Variants in ELF1 observed in about 807,000 individuals in gnomAD.
The protein encoded by ELF1 is E74 like ETS transcription factor 1.
In ELF1, 24 loss-of-function variants were observed where a neutral mutation model predicts 59.9. The ratio of observed to expected loss-of-function variants is 0.40; its 90% CI spans 0.29 to 0.56. The LOEUF is 0.56. Among genes scored for constraint, ELF1 ranks in the 20% least tolerant of loss-of-function variants. ELF1 has a pLI of 0.44. For synonymous variants in ELF1, 248 were observed against 266.2 expected, an observed-to-expected ratio of 0.93 and a Z score of 0.67; for missense variants, 627 against 742.2, an observed-to-expected ratio of 0.84 and a Z score of 1.80.
At chr13:40,951,738 G>A (rs918671555) in intron 3 of ELF1, 31 of 177,590 alleles carry the variant, frequency 1.7e-4, no homozygotes, top group African/African-American at 7.4e-4. Flanking sequence ...GTGGTGGCAC[G>A]CACCTGTAGT....
chr13:41,044,221 A>G (rs1426530728), intron 1 of ELF1, among the ~76,000 whole-genome samples: 2 of 152,212 alleles, frequency 1.3e-5, no homozygotes, highest in African/African-American at 4.8e-5. Context: ...TTTTCTAGAC[A>G]TACAATCATG....
chr13:40,956,409 C>A (rs1332370547), intron 3 of ELF1, among the ~76,000 whole-genome samples: 2 of 152,040 alleles, frequency 1.3e-5, no homozygotes, highest in African/African-American at 4.8e-5. Flanking sequence ...TCCCTAATCT[C>A]AAGTACCCAG....
Position 41,039,336 on chromosome 13 carries a change from TAA to T in ELF1, c.-229+21500_-229+21501del, listed in dbSNP as rs747996967. Among the ~76,000 whole-genome samples, 85 of 102,896 alleles carry T rather than the reference TAA, an allele frequency of 8.3e-4. 1 individual carries two copies. The highest frequency in any genetic ancestry group is 2.3e-3 in the African/African-American group (72 of 31,334). 67.5% of individuals were successfully genotyped at this position (102,896 alleles called of 152,430 possible). A position where few individuals can be genotyped will look rare whatever the true frequency, so the allele number is the denominator to read the frequency against. On this transcript the variant is annotated intron_variant, in intron 1 of 1. Coordinates refer to the ELF1 transcript ENST00000405737. ...AAAATATGACAAAAAGTCCTTTTTT[TAA>T]AAAAAAAAAAAAAAAAAAACCTATT... is the stretch of plus-strand genomic sequence containing the variant.
At chr13:41,020,999 A>G (rs149167729), upstream of ELF1, among the ~76,000 whole-genome samples, 2 of 152,320 alleles carry the variant, frequency 1.3e-5, no homozygotes, top group Non-Finnish European at 2.9e-5. Flanking sequence ...CTAAAAATAA[A>G]CATAACTTTA....
intron 1 of ELF1, among the ~76,000 whole-genome samples, chr13:41,001,198 A>C (rs1263652017): frequency 6.6e-6 from 1 of 152,022 alleles, no homozygotes; most frequent in Non-Finnish European, 1.5e-5. Flanking sequence ...GCTGGTCTTG[A>C]ACTCATGATC....
intron 1 of ELF1, among the ~76,000 whole-genome samples, chr13:41,038,066 T>TAA (rs4053825): frequency 0.17 from 21,718 of 126,328 alleles, 1,960 homozygotes; most frequent in Non-Finnish European, 0.21. Flanking sequence ...GAAGAAACCT[T>TAA]AAAAAAAAAA....
chr13:40,963,242 T>C (rs1033312145), intron 2 of ELF1, among the ~76,000 whole-genome samples: 2 of 152,206 alleles, frequency 1.3e-5, no homozygotes, highest in Admixed American at 1.3e-4. Flanking sequence ...GCTTTAAACA[T>C]AGTAGATTTG....
At chr13:41,037,176 G>A (rs1027135872) in intron 1 of ELF1, among the ~76,000 whole-genome samples, 1 of 151,616 alleles carries the variant, frequency 6.6e-6, no homozygotes, top group Non-Finnish European at 1.5e-5. Context: ...AATGTTTCTT[G>A]GGCACATACA....
At chr13:40,990,900 G>T (rs1162621125) in intron 1 of ELF1, among the ~76,000 whole-genome samples, 1 of 146,574 alleles carries the variant, frequency 6.8e-6, no homozygotes, top group Non-Finnish European at 1.5e-5. Flanking sequence ...AAACATAATA[G>T]ATGCTAACTC....
intron 1 of ELF1, among the ~76,000 whole-genome samples, chr13:41,004,639 C>T (rs55722850): frequency 1.3e-3 from 191 of 152,154 alleles, no homozygotes; most frequent in Non-Finnish European, 2.3e-3. Flanking sequence ...GAAAGTTTTA[C>T]AGAATCCTGA....
chr13:40,955,060 G>A (rs9532682), intron 3 of ELF1, among the ~76,000 whole-genome samples: 80,458 of 146,566 alleles, frequency 0.55, 25,334 homozygotes, highest in Non-Finnish European at 0.69. Context: ...CTGCCCTGCC[G>A]CCCTGTCTGG....
chr13:40,948,127 G>GC (rs923326548), intron 5 of ELF1, among the ~76,000 whole-genome samples: 11 of 152,198 alleles, frequency 7.2e-5, no homozygotes, highest in African/African-American at 2.7e-4. Context: ...TCCTATGACT[G>GC]CCCCACCTTA....
Position 40,953,882 on chromosome 13 carries a change from A to T in ELF1, c.254-2446T>A, listed in dbSNP as rs117987888. Among the ~76,000 whole-genome samples, 1,242 of 152,318 alleles carry T rather than the reference A, an allele frequency of 8.2e-3. 8 individuals are homozygous for T. The highest frequency in any genetic ancestry group is 0.014 in the Middle Eastern group (4 of 294). On this transcript the variant is annotated intron_variant, in intron 3 of 8. Coordinates refer to ENST00000239882, the MANE Select transcript of ELF1 (RefSeq NM_172373.4). ...CAAAGGGAAGAAAAAACACAAACAG[A>T]GAATCTGGTTTCCTCTCTGAGAACT...
chr13:40,973,494 C>T (rs1593372150), intron 2 of ELF1, among the ~76,000 whole-genome samples: 1 of 152,058 alleles, frequency 6.6e-6, no homozygotes, highest in Non-Finnish European at 1.5e-5. Flanking sequence ...ATATAACTGC[C>T]TATCTTTTAT....
At chr13:41,057,778 A>C (rs934677789) in intron 1 of ELF1, among the ~76,000 whole-genome samples, 1 of 152,206 alleles carries the variant, frequency 6.6e-6, no homozygotes, top group Admixed American at 6.5e-5. Flanking sequence ...AAGAGACAGC[A>C]CCTAAAATAT....
At chr13:41,039,236 AAAAT>A (rs1284092524) in intron 1 of ELF1, among the ~76,000 whole-genome samples, 1 of 151,770 alleles carries the variant, frequency 6.6e-6, no homozygotes, top group East Asian at 1.9e-4. Flanking sequence ...CCCATCTTAA[AAAAT>A]AAATAAGTAA....
intron 1 of ELF1, among the ~76,000 whole-genome samples, chr13:41,056,151 C>T (rs995984047): frequency 2.6e-5 from 4 of 152,196 alleles, no homozygotes; most frequent in Non-Finnish European, 4.4e-5. Flanking sequence ...TCCACATTGG[C>T]AGTCACCTCA....
intron 1 of ELF1, among the ~76,000 whole-genome samples, chr13:40,984,681 G>A (rs1045030187): frequency 6.6e-6 from 1 of 152,142 alleles, no homozygotes; most frequent in Non-Finnish European, 1.5e-5. Context: ...CTTGAAAAAC[G>A]AGAGTAAGAA....
intron 2 of ELF1, among the ~76,000 whole-genome samples, chr13:40,965,209 A>AT (rs1330729545): frequency 1.3e-5 from 2 of 152,158 alleles, no homozygotes; most frequent in Non-Finnish European, 2.9e-5. Flanking sequence ...TTTCCACACC[A>AT]TTTCAAACAG....
Sources: allele counts gnomAD v4.1 joint callset (sites outside exome capture counted in the v4.1 genomes callset), GRCh38; gene constraint gnomAD v4.1.1; transcripts MANE v1.5; gene names NCBI Gene and HGNC (gene_info 2026-07-23, HGNC 2026-07-21).